LUZP2: variants seen among roughly 807,000 people sequenced by gnomAD.
The protein encoded by LUZP2 is leucine zipper protein 2.
A neutral mutation model predicts 51.6 loss-of-function variants in LUZP2; 52 were observed. The ratio of observed to expected loss-of-function variants is 1.01; its 90% CI spans 0.81 to 1.27. The LOEUF (loss-of-function observed/expected upper bound fraction) is 1.27, where lower values mean the gene tolerates loss of function less well. Among genes scored for constraint, LUZP2 ranks in the 50% most tolerant of loss-of-function variants. The pLI, the probability that LUZP2 is intolerant of heterozygous loss-of-function variation, is 0.00. For synonymous variants in LUZP2, 154 were observed against 137.3 expected (o/e 1.12, Z -0.85); for missense variants, 436 against 395.4 (o/e 1.10, Z -0.87).
chr11:24,509,946 G>A (rs1850257726), intron 1 of LUZP2, among the ~76,000 whole-genome samples: 1 of 152,114 alleles, frequency 6.6e-6, no homozygotes, highest in African/African-American at 2.4e-5. Context: ...GACAGGTAGT[G>A]GGCAATGTGT....
intron 9 of LUZP2, among the ~76,000 whole-genome samples, chr11:25,042,576 C>T (rs183960542): frequency 3.2e-4 from 48 of 152,214 alleles, no homozygotes; most frequent in Admixed American, 5.2e-4. Context: ...GTAACAAATA[C>T]CACAAACTTG....
chr11:24,951,681 T>C (rs1257211793), intron 7 of LUZP2, among the ~76,000 whole-genome samples: 1 of 151,584 alleles, frequency 6.6e-6, no homozygotes, highest in East Asian at 1.9e-4. Flanking sequence ...TAGAGATCAG[T>C]AGGTTTTCAA....
At chr11:24,849,438 T>C (rs1295940772) in intron 5 of LUZP2, among the ~76,000 whole-genome samples, 2 of 152,184 alleles carry the variant, frequency 1.3e-5, no homozygotes, top group Admixed American at 6.6e-5. Context: ...GCTTAATCCA[T>C]GTCCCTGAAA....
intron 1 of LUZP2, among the ~76,000 whole-genome samples, chr11:24,658,688 T>C (rs1228209029): frequency 6.6e-6 from 1 of 152,148 alleles, no homozygotes; most frequent in Non-Finnish European, 1.5e-5. Flanking sequence ...GACAAAGGGC[T>C]AATATCCAGA....
chr11:24,819,045 G>A (rs2134153303), intron 5 of LUZP2, among the ~76,000 whole-genome samples: 1 of 152,164 alleles, frequency 6.6e-6, no homozygotes, highest in Admixed American at 6.6e-5. Context: ...TTGTTTAAAA[G>A]TATAATAGAT....
chr11:24,524,578 A>T (rs1376256403), intron 1 of LUZP2, among the ~76,000 whole-genome samples: 6 of 151,796 alleles, frequency 4.0e-5, no homozygotes. Flanking sequence ...CAAGAGCACC[A>T]TTGTTTATAA....
At chr11:24,750,723 G>C (rs190899694) in intron 4 of LUZP2, among the ~76,000 whole-genome samples, 69 of 152,120 alleles carry the variant, frequency 4.5e-4, no homozygotes, top group Middle Eastern at 3.4e-3. Context: ...CTCTACTTAA[G>C]TCTTCCATGC....
chr11:25,002,098 A>G (rs1856699152), intron 9 of LUZP2, among the ~76,000 whole-genome samples: 1 of 152,234 alleles, frequency 6.6e-6, no homozygotes, highest in Non-Finnish European at 1.5e-5. Flanking sequence ...TTAGATAAGC[A>G]TACTTTCTAT....
intron 1 of LUZP2, among the ~76,000 whole-genome samples, chr11:24,691,175 G>A (rs570600153): frequency 5.6e-4 from 85 of 151,990 alleles, no homozygotes; most frequent in South Asian, 1.7e-3. Flanking sequence ...CATTGTTTCA[G>A]ATCATGTTGT....
intron 1 of LUZP2, among the ~76,000 whole-genome samples, chr11:24,532,001 T>C (rs1022474184): frequency 2.0e-5 from 3 of 151,068 alleles, no homozygotes; most frequent in Non-Finnish European, 4.5e-5. Flanking sequence ...TTTTGTTAAA[T>C]GAAGAATTCT....
chr11:24,658,230 T>C (rs1284593459), intron 1 of LUZP2, among the ~76,000 whole-genome samples: 1 of 152,104 alleles, frequency 6.6e-6, no homozygotes, highest in Non-Finnish European at 1.5e-5. Context: ...AACAGAGATA[T>C]AGATCAATGG....
intron 7 of LUZP2, among the ~76,000 whole-genome samples, chr11:24,953,384 A>C (rs1023196819): frequency 6.6e-6 from 1 of 151,868 alleles, no homozygotes; most frequent in Non-Finnish European, 1.5e-5. Context: ...ATTTCCACTG[A>C]CTTAATCCCG....
At chr11:25,056,055 A>G (rs1858677160) in intron 10 of LUZP2, among the ~76,000 whole-genome samples, 1 of 152,180 alleles carries the variant, frequency 6.6e-6, no homozygotes, top group Admixed American at 6.5e-5. Context: ...TAATTAATTT[A>G]TCAAATGAAA....
At chr11:24,880,183 C>G (rs1294760681) in intron 5 of LUZP2, among the ~76,000 whole-genome samples, 2 of 152,174 alleles carry the variant, frequency 1.3e-5, no homozygotes, top group African/African-American at 2.4e-5. Flanking sequence ...AATACTCCCC[C>G]CATGGGTAAA....
At chr11:24,540,261 T>A (rs1018741700) in intron 1 of LUZP2, among the ~76,000 whole-genome samples, 1 of 152,110 alleles carries the variant, frequency 6.6e-6, no homozygotes, top group African/African-American at 2.4e-5. Flanking sequence ...TGAAGTGTTA[T>A]AGATTGAATG....
At chr11:24,546,480 T>C (rs1286355092) in intron 1 of LUZP2, among the ~76,000 whole-genome samples, 1 of 151,978 alleles carries the variant, frequency 6.6e-6, no homozygotes, top group Non-Finnish European at 1.5e-5. Flanking sequence ...TTTTTTAACA[T>C]AAAAAAATGA....
At position 24,908,758 on chromosome 11, in the gene LUZP2, CTTTTTTTTTTTTTTT is replaced by C. The variant is rs758106394; in HGVS notation, c.459+2706_459+2720del. 2.9e-3 allele frequency among the ~76,000 whole-genome samples: 403 copies of C among 137,592 alleles called. 3 individuals carry two copies. Among genetic ancestry groups the C allele is most frequent in the Middle Eastern group, 3.9e-3 (1 of 256 alleles). The allele number at this position is 137,592 out of a possible 152,430, so 90.3% of individuals were successfully genotyped here. On this transcript the variant is annotated intron_variant, in intron 6 of 11. Coordinates refer to ENST00000336930, the MANE Select transcript of LUZP2 (RefSeq NM_001009909.4). ...GCTTTTTTTGTTGTTTGTTTTTTTT[CTTTTTTTTTTTTTTT>C]GAGACTGAGTCTCCCTCTGTTGCCC... is the stretch of plus-strand genomic sequence containing the variant.
At position 24,698,536 on chromosome 11, in the gene LUZP2, A is replaced by G. The variant is rs867989591; in HGVS notation, c.63-30633A>G. Among the ~76,000 whole-genome samples the G allele has an allele frequency of 3.3e-5, 5 of 152,302 alleles. No individual in the cohort carries two copies. In the Middle Eastern group the frequency reaches 0.01, roughly 311 times the overall value. ...TTGATCTCTCTTGTTTAAAATATTC[A>G]TTGAAAGCTTGGCTCTTGTCTGCAA... On this transcript the variant is annotated intron_variant, in intron 1 of 11. Coordinates refer to ENST00000336930, the MANE Select transcript of LUZP2 (RefSeq NM_001009909.4).
chr11:25,045,817 T>A (rs1309550413), intron 9 of LUZP2, among the ~76,000 whole-genome samples: 1 of 152,194 alleles, frequency 6.6e-6, no homozygotes, highest in Non-Finnish European at 1.5e-5. Context: ...TTCACTTTAT[T>A]GACTTGATTC....
Sources: allele counts gnomAD v4.1 joint callset (sites outside exome capture counted in the v4.1 genomes callset), GRCh38; gene constraint gnomAD v4.1.1; transcripts MANE v1.5; gene names NCBI Gene and HGNC (gene_info 2026-07-23, HGNC 2026-07-21).